Variants in PAXIP1 observed in about 807,000 individuals in gnomAD.
PAXIP1 encodes PAX-interacting protein 1.
A neutral mutation model predicts 140.6 loss-of-function variants in PAXIP1; 19 were observed. That is an observed-to-expected ratio of 0.14 (90% confidence interval 0.09 to 0.20). The LOEUF is 0.20. PAXIP1 is among the 10% of genes least tolerant of loss of function. The pLI, the probability that PAXIP1 is intolerant of heterozygous loss-of-function variation, is 1.00. For synonymous variants in PAXIP1, 442 were observed against 444.6 expected (o/e 0.99, Z 0.07); for missense variants, 920 against 1,208.6 (o/e 0.76, Z 3.54).
intron 20 of PAXIP1, chr7:154,945,834 T>C (rs750145647): frequency 1.0e-6 from 1 of 984,976 alleles, no homozygotes; most frequent in Non-Finnish European, 1.2e-6. Flanking sequence ...TGAGCTTTAT[T>C]TTTTCCTGAA....
chr7:154,987,072 C>G (rs998992526), intron 4 of PAXIP1, among the ~76,000 whole-genome samples: 2 of 152,172 alleles, frequency 1.3e-5, no homozygotes, highest in Non-Finnish European at 2.9e-5. Context: ...AGATATTCAC[C>G]TTCTCTGAGC....
In PAXIP1 at chr7:154,975,866, T is replaced by C; in HGVS notation, c.904A>G (p.Asn302Asp). 6.2e-7 allele frequency: 1 copy of C among 1,613,992 alleles called. No individual in the cohort carries two copies. The highest frequency in any genetic ancestry group is 1.1e-5 in the South Asian group (1 of 91,088). Residue 302 changes from asparagine to aspartate, a missense_variant, in exon 6 of 21, where the codon AAC (asparagine) becomes GAC (aspartate). Coordinates refer to ENST00000404141, the MANE Select transcript of PAXIP1 (RefSeq NM_007349.4). ...LCANVPPVPG[N>D]ILPPEVRGNL... ...CCCCGGACCTCAGGGGGCAAAATGT[T>C]ACCTGGGACGGGTGGGACATTGGCA...
At chr7:154,995,516 T>A (rs557056081) in intron 2 of PAXIP1, among the ~76,000 whole-genome samples, 2 of 152,248 alleles carry the variant, frequency 1.3e-5, no homozygotes, top group South Asian at 4.1e-4. Flanking sequence ...AAAAGCAAAG[T>A]GATAAGGAAC....
At chr7:154,959,457 A>T (rs993466952) in intron 13 of PAXIP1, among the ~76,000 whole-genome samples, 1 of 152,218 alleles carries the variant, frequency 6.6e-6, no homozygotes, top group Non-Finnish European at 1.5e-5. Flanking sequence ...GGAAAAGAGA[A>T]AAAACAACTG....
At chr7:154,991,231 G>T in intron 3 of PAXIP1, among the ~76,000 whole-genome samples, 162 bp from the exon 4 acceptor site, 1 of 152,216 alleles carries the variant, frequency 6.6e-6, no homozygotes, top group South Asian at 2.1e-4. Flanking sequence ...ATAGAGAGTA[G>T]TGGGTGGCAC....
At chr7:154,980,887 T>TA (rs1250135918) in intron 5 of PAXIP1, among the ~76,000 whole-genome samples, 1 of 152,144 alleles carries the variant, frequency 6.6e-6, no homozygotes, top group Non-Finnish European at 1.5e-5. Flanking sequence ...TCCCAGCACT[T>TA]AGAGGTTGAG....
chr7:154,986,165 G>A lies in PAXIP1; in HGVS notation c.325-2833C>T. Reference sequence around the variant, plus strand: ...TGGAAGACTCCAACAAAGAGCTCCAGCTTGTATCAACACCCTGACGGGGAA... The same window carrying A: ...TGGAAGACTCCAACAAAGAGCTCCAACTTGTATCAACACCCTGACGGGGAA... On this transcript the variant is annotated intron_variant, in intron 4 of 20. Transcript: ENST00000404141. The surrounding 1 kb of genome is among the most constrained non-coding windows in gnomAD (Gnocchi z 4.8). 1 of 1,361,998 alleles carries A rather than the reference G, an allele frequency of 7.3e-7. No homozygotes were observed. Among genetic ancestry groups the A allele is most frequent in the Non-Finnish European group, 9.8e-7 (1 of 1,020,148 alleles). The allele number at this position is 1,361,998 out of a possible 1,614,324, so 84.4% of individuals were successfully genotyped here.
chr7:154,955,324 G>A (rs1300820966), intron 15 of PAXIP1, among the ~76,000 whole-genome samples: 1 of 152,168 alleles, frequency 6.6e-6, no homozygotes, highest in Non-Finnish European at 1.5e-5. Flanking sequence ...ATCTAAGTAT[G>A]AAATAATAGC....
rs369874923 is a variant in PAXIP1 at position 154,944,060 on chromosome 7, A to G, written c.*89T>C. The G allele has an allele frequency of 3.3e-6, 4 of 1,221,722 alleles. No individual in the cohort carries two copies. Among genetic ancestry groups the G allele is most frequent in the Admixed American group, 3.6e-5 (2 of 55,148 alleles). 75.7% of individuals were successfully genotyped at this position (1,221,722 alleles called of 1,614,324 possible). ...CCCAGGAAAGCAGCTGGAAAACAAGAGCATGTGAAGGAAGCGCAGCAGCTC... is the reference window on the plus strand; with the variant it reads ...CCCAGGAAAGCAGCTGGAAAACAAGGGCATGTGAAGGAAGCGCAGCAGCTC... On this transcript the variant is annotated 3_prime_UTR_variant, in exon 21 of 21. Transcript: ENST00000404141.
rs981283668 is a variant in PAXIP1 at position 155,002,710 on chromosome 7, C to A, written c.81+139G>T. The stretch of plus-strand genomic sequence containing the variant: ...CCCGCGGTCGCCCCTGCCCTCAGCG[C>A]AGTCAGGCCAGCGGCCTCGGCGGAC... On this transcript the variant is annotated intron_variant, in intron 1 of 20. Transcript: ENST00000404141. The A allele has an allele frequency of 2.5e-4, 90 of 362,378 alleles. No individual in the cohort carries two copies. In the East Asian group the frequency reaches 4.4e-3, roughly 18 times the overall value. The allele number at this position is 362,378 out of a possible 1,614,324, so 22.4% of individuals were successfully genotyped here. A position where few individuals can be genotyped will look rare whatever the true frequency, so the allele number is the denominator to read the frequency against.
In PAXIP1 at chr7:154,968,422, T is replaced by A; in HGVS notation, c.1779A>T (p.Gly593=). The A allele has an allele frequency of 2.6e-6, 4 of 1,548,418 alleles. No individual in the cohort carries two copies. In the South Asian group the frequency reaches 4.8e-5, roughly 18 times the overall value. The change falls in exon 7 of 21, where the codon GGA becomes GGT. Residue 593 remains glycine (G), a synonymous_variant. Coordinates refer to ENST00000404141, the MANE Select transcript of PAXIP1 (RefSeq NM_007349.4). ...ACTAACTCTCCACTGCTGGATCATG[T>A]CCAAAAAGCTGATGCTGCTGAGGCG... ...PPSPQQHQLF[G]HDPAVEIPEE...
intron 5 of PAXIP1, among the ~76,000 whole-genome samples, chr7:154,982,291 T>G (rs895691348): frequency 6.6e-6 from 1 of 152,202 alleles, no homozygotes; most frequent in African/African-American, 2.4e-5. Context: ...CCAGAGGACT[T>G]GATCACACAC....
intron 6 of PAXIP1, 41 bp from the exon 7 acceptor site, chr7:154,969,167 T>C (rs1417581575): frequency 2.8e-6 from 4 of 1,434,878 alleles, no homozygotes; most frequent in Non-Finnish European, 3.7e-6. Flanking sequence ...CAACAGTTCC[T>C]GAAACAGATG....
intron 20 of PAXIP1, chr7:154,945,490 G>A: frequency 1.0e-6 from 1 of 983,742 alleles, no homozygotes. Flanking sequence ...CGGCAAGGAT[G>A]GGTATCATTC....
chr7:154,977,464 G>C (rs932760236), intron 5 of PAXIP1, among the ~76,000 whole-genome samples: 1 of 152,220 alleles, frequency 6.6e-6, no homozygotes, highest in Admixed American at 6.5e-5. Flanking sequence ...GCACAGAGAG[G>C]ACAGCTGTTG....
intron 16 of PAXIP1, among the ~76,000 whole-genome samples, chr7:154,952,546 G>A (rs1173194224): frequency 6.6e-6 from 1 of 152,222 alleles, no homozygotes; most frequent in Admixed American, 6.5e-5. Context: ...GTGTCTCAGG[G>A]AAGCTTCATG....
At position 154,944,088 on chromosome 7, in the gene PAXIP1, C is replaced by CGCCA; in HGVS notation, c.*57_*60dup. On this transcript the variant is annotated 3_prime_UTR_variant, in exon 21 of 21. Coordinates refer to ENST00000404141, the MANE Select transcript of PAXIP1 (RefSeq NM_007349.4). ...ATGTGAAGGAAGCGCAGCAGCTCCT[C>CGCCA]GCCAGCCAGACAGCCAGCCCCGCAC... 5 of 1,579,320 alleles carry CGCCA rather than the reference C, an allele frequency of 3.2e-6. No individual in the cohort carries two copies. Among genetic ancestry groups the CGCCA allele is most frequent in the Non-Finnish European group, 4.3e-6 (5 of 1,151,596 alleles).
chr7:154,993,837 T>C, intron 2 of PAXIP1, 68 bp from the exon 3 acceptor site: 2 of 1,167,962 alleles, frequency 1.7e-6, no homozygotes, highest in Non-Finnish European at 2.4e-6. Context: ...TTACTAGTGT[T>C]GTTCTTAGAA....
intron 3 of PAXIP1, among the ~76,000 whole-genome samples, chr7:154,992,594 C>CA (rs1168911503): frequency 0.038 from 4,217 of 111,132 alleles, 184 homozygotes; most frequent in African/African-American, 0.12. Context: ...GACTCTGTCT[C>CA]AAAAAAAAAA....
Sources: gnomAD v4.1 joint callset for allele counts (sites outside exome capture counted in the v4.1 genomes callset) on GRCh38, gnomAD v4.1.1 for gene constraint, Gnocchi (gnomAD v3.1) non-coding constraint, MANE v1.5 for transcripts, NCBI Gene and HGNC (gene_info 2026-07-23, HGNC 2026-07-21) for gene names.